C9: variants seen among roughly 807,000 people sequenced by gnomAD.
The protein encoded by C9 is complement C9.
In C9, 63 loss-of-function variants were observed where a neutral mutation model predicts 65.4. That is an observed-to-expected ratio of 0.96 (90% confidence interval 0.79 to 1.19). The LOEUF is 1.19. C9 is among the 50% of genes most tolerant of loss of function. The probability of loss-of-function intolerance (pLI) is 0.00; values close to 1 mark genes in which losing one functional copy is unlikely to be tolerated. For missense variants in C9, 744 were observed against 670.1 expected, an observed-to-expected ratio of 1.11 and a Z score of -1.22; for synonymous variants, 229 against 227.9, an observed-to-expected ratio of 1.00 and a Z score of -0.04.
chr5:39,329,324 T>C (rs935667985), intron 5 of C9, among the ~76,000 whole-genome samples: 2 of 152,226 alleles, frequency 1.3e-5, no homozygotes, highest in Non-Finnish European at 2.9e-5. Context: ...TAATAGCTAA[T>C]ATTTACTGAG....
chr5:39,347,791 A>G (rs558343929), intron 1 of C9, among the ~76,000 whole-genome samples: 22 of 152,316 alleles, frequency 1.4e-4, no homozygotes, highest in African/African-American at 5.1e-4. Flanking sequence ...TACAGTAACC[A>G]AAACAGCATG....
intron 6 of C9, among the ~76,000 whole-genome samples, chr5:39,313,826 C>T (rs927622558): frequency 2.6e-5 from 4 of 152,170 alleles, no homozygotes; most frequent in African/African-American, 9.7e-5. Context: ...AACACCAACT[C>T]CTACTTGGCA....
intron 5 of C9, among the ~76,000 whole-genome samples, chr5:39,325,748 G>T (rs1460818409): frequency 7.1e-6 from 1 of 141,624 alleles, no homozygotes; most frequent in Non-Finnish European, 1.5e-5. Context: ...CTCCAGCCTG[G>T]GCAACAGAGC....
intron 9 of C9, among the ~76,000 whole-genome samples, chr5:39,302,525 T>C (rs2111867533): frequency 6.6e-6 from 1 of 152,222 alleles, no homozygotes; most frequent in African/African-American, 2.4e-5. Context: ...TACAACCCTT[T>C]AAAATATTGA....
chr5:39,329,427 T>A lies in C9; in HGVS notation c.615+2249A>T, dbSNP rs1753807268. Among the ~76,000 whole-genome samples, 3 of 152,168 alleles carry A rather than the reference T, an allele frequency of 2.0e-5. No individual in the cohort carries two copies. In the South Asian group the frequency reaches 6.2e-4, roughly 32 times the overall value. ...GGCATTATTATTTCTATTTTATAGA[T>A]AAAGAAACTGAGGCACAATGATGAT... is the stretch of plus-strand genomic sequence containing the variant. On this transcript the variant is annotated intron_variant, in intron 5 of 10. Coordinates refer to ENST00000263408, the MANE Select transcript of C9 (RefSeq NM_001737.5).
intron 9 of C9, among the ~76,000 whole-genome samples, chr5:39,294,681 C>T (rs1338150730): frequency 6.6e-6 from 1 of 151,508 alleles, no homozygotes; most frequent in Non-Finnish European, 1.5e-5. Context: ...TTTTTAAAGA[C>T]TGAAATGAAG....
In C9 at chr5:39,293,040, G is replaced by A. The variant is rs148419767; in HGVS notation, c.1417-4089C>T. On this transcript the variant is annotated intron_variant, in intron 9 of 10. Transcript: ENST00000263408. ...GGAGAGTGCTGGAGTTCAGGGGGAA[G>A]CAGAAAGGCATCTCTGGTGGTTGGA... 5.3e-3 allele frequency among the ~76,000 whole-genome samples: 811 copies of A among 151,808 alleles called. 22 individuals are homozygous for A. Among genetic ancestry groups the A allele is most frequent in the Admixed American group, 0.047 (711 of 15,176 alleles).
rs1168367235 is a variant in C9 at position 39,341,549 on chromosome 5, A to G, written c.328+7T>C. ...GCCACAATGAGCAATTCAAGCACAAAGATTACCTGTACTGCATTGAAAGTC... is the reference window on the plus strand; with the variant it reads ...GCCACAATGAGCAATTCAAGCACAAGGATTACCTGTACTGCATTGAAAGTC... On this transcript the variant is annotated splice_region_variant and intron_variant, in intron 3 of 10. Transcript: ENST00000263408. The G allele has an allele frequency of 1.9e-6, 3 of 1,613,862 alleles. No individual in the cohort carries two copies. In the South Asian group the frequency reaches 3.3e-5, roughly 18 times the overall value.
chr5:39,339,000 T>C (rs565298613), intron 4 of C9, among the ~76,000 whole-genome samples: 1 of 152,348 alleles, frequency 6.6e-6, no homozygotes, highest in East Asian at 1.9e-4. Flanking sequence ...TGTTAAGCTG[T>C]TTTATTTAGA....
chr5:39,361,343 A>G (rs767866156), intron 1 of C9, among the ~76,000 whole-genome samples: 3 of 152,186 alleles, frequency 2.0e-5, no homozygotes, highest in Non-Finnish European at 4.4e-5. Context: ...ATATAATAAC[A>G]CAAATCTCAC....
At chr5:39,341,501 T>C in intron 3 of C9, 55 bp downstream of exon 3, 2 of 1,595,408 alleles carry the variant, frequency 1.3e-6, no homozygotes, top group Non-Finnish European at 1.7e-6. Flanking sequence ...TTTTTTCTTT[T>C]CATTCAGGAA....
chr5:39,289,717 A>G (rs1677917791), intron 9 of C9, among the ~76,000 whole-genome samples: 1 of 151,856 alleles, frequency 6.6e-6, no homozygotes, highest in Non-Finnish European at 1.5e-5. Flanking sequence ...GAGGGCTTGG[A>G]AATATTTGAC....
intron 1 of C9, among the ~76,000 whole-genome samples, chr5:39,350,612 C>A (rs1162550791): frequency 1.3e-5 from 2 of 152,154 alleles, no homozygotes; most frequent in African/African-American, 4.8e-5. Context: ...GAGATAGGGG[C>A]TACAGGCACC....
At chr5:39,300,591 T>C (rs1006017902) in intron 9 of C9, among the ~76,000 whole-genome samples, 42 of 151,160 alleles carry the variant, frequency 2.8e-4, no homozygotes, top group Non-Finnish European at 4.3e-4. Flanking sequence ...CTGGCAAACA[T>C]AGGTAATTTA....
Position 39,341,699 on chromosome 5 carries a change from A to G in C9, c.185T>C (p.Phe62Ser), listed in dbSNP as rs140251849. Residue 62 changes from phenylalanine (F) to serine (S), a missense_variant and splice_region_variant, in exon 3 of 11, where the codon TTT (phenylalanine) becomes TCT (serine). Transcript: ENST00000263408. ...SQCDPCLRQM[F>S]RSRSIEVFGQ... ...AAAGACCTCAATGCTTCTTGAACGA[A>G]ACTGCACAATATCAGTTGGAATGAT... The G allele has an allele frequency of 1.5e-4, 248 of 1,613,910 alleles. No individual in the cohort carries two copies. Among genetic ancestry groups the G allele is most frequent in the Non-Finnish European group, 1.9e-4 (219 of 1,179,870 alleles).
At chr5:39,347,431 A>G in intron 1 of C9, among the ~76,000 whole-genome samples, 1 of 152,200 alleles carries the variant, frequency 6.6e-6, no homozygotes, top group Non-Finnish European at 1.5e-5. Context: ...AATTGCTTCA[A>G]AGAGAATAAA....
chr5:39,335,728 A>G (rs1016091753), intron 4 of C9, among the ~76,000 whole-genome samples: 1 of 152,144 alleles, frequency 6.6e-6, no homozygotes, highest in Admixed American at 6.5e-5. Flanking sequence ...ACTTGTGCCA[A>G]ATGAGGGGTA....
chr5:39,310,084 G>A lies in C9; in HGVS notation c.1111+1053C>T, dbSNP rs192067217. 3.6e-3 allele frequency among the ~76,000 whole-genome samples: 546 copies of A among 152,140 alleles called. 1 individual carries two copies. The highest frequency in any genetic ancestry group is 6.2e-3 in the Non-Finnish European group (422 of 67,970). On this transcript the variant is annotated intron_variant, in intron 7 of 10. Coordinates refer to ENST00000263408, the MANE Select transcript of C9 (RefSeq NM_001737.5). ...GTAACATTACATTCCACTCCCCCCC[G>A]GGAAAGCTTCTCTCTGCCCAAAACA...
At chr5:39,346,486 C>T (rs1443532355) in intron 1 of C9, among the ~76,000 whole-genome samples, 1 of 152,148 alleles carries the variant, frequency 6.6e-6, no homozygotes, top group African/African-American at 2.4e-5. Flanking sequence ...AGTTGAATCC[C>T]TGAATAGACC....
Sources: allele counts gnomAD v4.1 joint callset (sites outside exome capture counted in the v4.1 genomes callset), GRCh38; gene constraint gnomAD v4.1.1; transcripts MANE v1.5; gene names NCBI Gene and HGNC (gene_info 2026-07-23, HGNC 2026-07-21).